The following CDH13 variants were observed in gnomAD, a reference collection of about 807,000 sequenced individuals.
The protein encoded by CDH13 is cadherin-13.
CDH13 carries 24 observed loss-of-function variants against 63.8 expected under a neutral mutation model. The ratio of observed to expected loss-of-function variants is 0.38; its 90% CI spans 0.27 to 0.53. The LOEUF is 0.53. CDH13 is among the 20% of genes least tolerant of loss of function. CDH13 has a pLI of 0.85. For synonymous variants in CDH13, 503 were observed against 355.3 expected (o/e 1.42, Z -4.67); for missense variants, 1,049 against 903.1 (o/e 1.16, Z -2.07).
intron 2 of CDH13, among the ~76,000 whole-genome samples, chr16:82,968,617 G>A (rs1908221917): frequency 6.6e-6 from 1 of 152,126 alleles, no homozygotes; most frequent in Admixed American, 6.5e-5. Flanking sequence ...CATGGATTTA[G>A]ATTCCAAGAC....
rs1388605294 is a variant in CDH13, at chr16:83,796,068, T to A, written c.*1038T>A. The A allele has an allele frequency of 6.6e-6, 1 of 152,662 alleles. No homozygotes were observed. The highest frequency in any genetic ancestry group is 1.5e-5 in the Non-Finnish European group (1 of 68,044). 9.5% of individuals were successfully genotyped at this position (152,662 alleles called of 1,614,324 possible). A position where few individuals can be genotyped will look rare whatever the true frequency, so the allele number is the denominator to read the frequency against. ...CATAAAATAGAGTAAATACAGGTAG[T>A]TTTAAAAGTACCCTTTTGTGTGAAT... On this transcript the variant is annotated 3_prime_UTR_variant, in exon 14 of 14. Transcript: ENST00000567109.
rs1006692260 is a variant in CDH13, at chr16:82,833,068, G to A, written c.46-25294G>A. On this transcript the variant is annotated intron_variant, in intron 1 of 13. Coordinates refer to ENST00000567109, the MANE Select transcript of CDH13 (RefSeq NM_001257.5). ...TACCTTTTTACCCTGAAATGAGTCA[G>A]TGTGTTATGGTAACATTCCCAGATG... Among the ~76,000 whole-genome samples the A allele has an allele frequency of 2.6e-5, 4 of 152,314 alleles. No homozygotes were observed. In the East Asian group the frequency reaches 7.7e-4, roughly 29 times the overall value.
chr16:83,274,047 G>C (rs570534646), intron 5 of CDH13, among the ~76,000 whole-genome samples: 1 of 152,256 alleles, frequency 6.6e-6, no homozygotes, highest in African/African-American at 2.4e-5. Context: ...CTCTCTTCCA[G>C]CCTGCACTAT....
intron 3 of CDH13, among the ~76,000 whole-genome samples, chr16:83,094,203 G>A (rs756579692): frequency 2.0e-5 from 3 of 152,256 alleles, no homozygotes; most frequent in Middle Eastern, 3.4e-3. Flanking sequence ...GGCCAACAAC[G>A]CCTGGTCTGT....
chr16:82,786,939 A>G (rs1480116406), intron 1 of CDH13, among the ~76,000 whole-genome samples: 2 of 152,128 alleles, frequency 1.3e-5, no homozygotes, highest in Non-Finnish European at 2.9e-5. Flanking sequence ...TTAGCAAGGA[A>G]GCATCCTCTA....
chr16:83,532,829 T>C (rs1381876936), intron 7 of CDH13, among the ~76,000 whole-genome samples: 1 of 152,182 alleles, frequency 6.6e-6, no homozygotes, highest in Non-Finnish European at 1.5e-5. Context: ...TACCGGTGTG[T>C]GTTATGAGCC....
Position 83,380,506 on chromosome 16 carries a change from A to G in CDH13, c.781+35500A>G, listed in dbSNP as rs1292625465. Among the ~76,000 whole-genome samples, 4 of 152,200 alleles carry G rather than the reference A, an allele frequency of 2.6e-5. No homozygotes were observed. In the East Asian group the frequency reaches 7.7e-4, roughly 29 times the overall value. ...CTAATTTAGGATTAGACTTAGCTGC[A>G]TGTAAAAGAAAAAAAAATCTCAAGA... On this transcript the variant is annotated intron_variant, in intron 6 of 13. Transcript: ENST00000567109.
At chr16:83,658,495 C>A (rs1390249144) in intron 8 of CDH13, among the ~76,000 whole-genome samples, 1 of 147,764 alleles carries the variant, frequency 6.8e-6, no homozygotes, top group Non-Finnish European at 1.5e-5. Flanking sequence ...GTATCCTCAC[C>A]AGCAAGGTCC....
At chr16:83,323,681 T>C (rs2090292370) in intron 5 of CDH13, among the ~76,000 whole-genome samples, 1 of 152,242 alleles carries the variant, frequency 6.6e-6, no homozygotes, top group Non-Finnish European at 1.5e-5. Flanking sequence ...ATTTTCTACC[T>C]GTCTGAATAA....
chr16:83,221,928 G>A (rs1333114660), intron 5 of CDH13, among the ~76,000 whole-genome samples: 1 of 152,130 alleles, frequency 6.6e-6, no homozygotes, highest in Non-Finnish European at 1.5e-5. Context: ...TATGAAAATG[G>A]TTATCTTGTC....
At chr16:82,865,172 G>A (rs1441634734) in intron 2 of CDH13, among the ~76,000 whole-genome samples, 3 of 152,328 alleles carry the variant, frequency 2.0e-5, no homozygotes, top group African/African-American at 7.2e-5. Context: ...CTGGCGTTGA[G>A]TGTCTGTAGC....
intron 7 of CDH13, among the ~76,000 whole-genome samples, chr16:83,529,962 A>G (rs1451906572): frequency 6.6e-6 from 1 of 152,164 alleles, no homozygotes; most frequent in East Asian, 1.9e-4. Flanking sequence ...GTGCAAAAGA[A>G]CTTGTGAAAT....
intron 3 of CDH13, among the ~76,000 whole-genome samples, chr16:83,108,157 C>T (rs1296320963): frequency 2.0e-5 from 3 of 152,040 alleles, no homozygotes; most frequent in Admixed American, 1.3e-4. Context: ...TTCCTTCATT[C>T]CCCGGGTATG....
In CDH13 at chr16:83,536,468, G is replaced by C. The variant is rs935149378; in HGVS notation, c.960+49813G>C. On this transcript the variant is annotated intron_variant, in intron 7 of 13. Coordinates refer to ENST00000567109, the MANE Select transcript of CDH13 (RefSeq NM_001257.5). ...AGAACATCACAGGGAGAGAGAAAAG[G>C]GTGAGCAAAGGTCCTGTGGCCAGTG... Among the ~76,000 whole-genome samples the C allele has an allele frequency of 5.3e-5, 8 of 152,186 alleles. No homozygotes were observed. In the East Asian group the frequency reaches 1.5e-3, roughly 29 times the overall value.
chr16:82,814,769 G>C (rs2037619849), intron 1 of CDH13, among the ~76,000 whole-genome samples: 1 of 152,182 alleles, frequency 6.6e-6, no homozygotes, highest in Non-Finnish European at 1.5e-5. Context: ...CCAATTTATA[G>C]TGGGTCAGTC....
At chr16:82,908,234 G>GTCA (rs1319719103) in intron 2 of CDH13, among the ~76,000 whole-genome samples, 1 of 152,134 alleles carries the variant, frequency 6.6e-6, no homozygotes, top group East Asian at 1.9e-4. Context: ...AATACAAAAG[G>GTCA]TGATGGGTAG....
At chr16:83,248,634 C>G (rs1160358092) in intron 5 of CDH13, among the ~76,000 whole-genome samples, 1 of 152,160 alleles carries the variant, frequency 6.6e-6, no homozygotes, top group Non-Finnish European at 1.5e-5. Context: ...TACTTTTCCC[C>G]TAAAGGTGTA....
chr16:83,486,460 C>A lies in CDH13; in HGVS notation c.782-17C>A, dbSNP rs376798784. Reference sequence around the variant, plus strand: ...CCATTGATAACCATTCCGTGCCTTTCTGTCTTGCCCCGGTAGGCACCACAG... The same window carrying A: ...CCATTGATAACCATTCCGTGCCTTTATGTCTTGCCCCGGTAGGCACCACAG... On this transcript the variant is annotated splice_polypyrimidine_tract_variant and intron_variant, in intron 6 of 13. Transcript: ENST00000567109. 4 of 1,605,376 alleles carry A rather than the reference C, an allele frequency of 2.5e-6. No individual in the cohort carries two copies. The African/African-American group carries it at 5.3e-5, about 21-fold the overall frequency.
At chr16:82,868,192 G>A (rs937707031) in intron 2 of CDH13, among the ~76,000 whole-genome samples, 1 of 152,096 alleles carries the variant, frequency 6.6e-6, no homozygotes, top group Non-Finnish European at 1.5e-5. Flanking sequence ...AATTATTCTG[G>A]TATTGCCTAA....
Sources: gnomAD v4.1 joint callset for allele counts (sites outside exome capture counted in the v4.1 genomes callset) on GRCh38, gnomAD v4.1.1 for gene constraint, MANE v1.5 for transcripts, NCBI Gene and HGNC (gene_info 2026-07-23, HGNC 2026-07-21) for gene names.